Variants in DPYSL5 observed in about 807,000 individuals in gnomAD.
DPYSL5 encodes dihydropyrimidinase-related protein 5.
DPYSL5 carries 9 observed loss-of-function variants against 58.4 expected under a neutral mutation model. The observed-to-expected ratio is 0.15, with a 90% confidence interval of 0.09 to 0.27. The LOEUF (loss-of-function observed/expected upper bound fraction) is 0.27. Ranked by LOEUF, DPYSL5 falls within the 10% of genes least tolerant of loss-of-function variation. The pLI is 1.00. For synonymous variants in DPYSL5, 293 were observed against 301.9 expected (o/e 0.97, Z 0.31); for missense variants, 499 against 770.6 (o/e 0.65, Z 4.17).
At chr2:26,866,326 CCT>C (rs1386903086) in intron 1 of DPYSL5, among the ~76,000 whole-genome samples, 1 of 152,038 alleles carries the variant, frequency 6.6e-6, no homozygotes, top group Non-Finnish European at 1.5e-5. Flanking sequence ...ATAGTTTTCC[CCT>C]GATTTTATTA....
At chr2:26,858,677 C>T (rs1665938295) in intron 1 of DPYSL5, among the ~76,000 whole-genome samples, 1 of 151,354 alleles carries the variant, frequency 6.6e-6, no homozygotes, top group Non-Finnish European at 1.5e-5. Context: ...AATCCTCTCA[C>T]CTCACCCTCC....
rs146054166 is a variant in DPYSL5 at position 26,913,560 on chromosome 2, A to G, written c.262-11327A>G. On this transcript the variant is annotated intron_variant, in intron 2 of 12. Coordinates refer to ENST00000288699, the MANE Select transcript of DPYSL5 (RefSeq NM_020134.4). ...CCACCTTTTAGCTGCTGTGAATGCT[A>G]TGAACATGGGTGTACAAATACCTAT... 2.5e-3 allele frequency among the ~76,000 whole-genome samples: 384 copies of G among 152,354 alleles called. 1 individual carries two copies. Among genetic ancestry groups the G allele is most frequent in the African/African-American group, 9.0e-3 (373 of 41,580 alleles).
chr2:26,916,238 C>G (rs1664560411), intron 2 of DPYSL5, among the ~76,000 whole-genome samples: 1 of 152,190 alleles, frequency 6.6e-6, no homozygotes, highest in South Asian at 2.1e-4. Flanking sequence ...TCAGGTCCAT[C>G]ATCCCAACAC....
intron 2 of DPYSL5, among the ~76,000 whole-genome samples, chr2:26,922,689 C>T (rs924752538): frequency 1.3e-5 from 2 of 152,280 alleles, no homozygotes; most frequent in East Asian, 3.9e-4. Context: ...CAATATACAC[C>T]CCCACGTGCA....
intron 1 of DPYSL5, among the ~76,000 whole-genome samples, chr2:26,893,017 C>A (rs1241440985): frequency 6.6e-6 from 1 of 152,232 alleles, no homozygotes; most frequent in African/African-American, 2.4e-5. Context: ...CAACTCCCCA[C>A]GGCCTCTCTG....
Position 26,942,644 on chromosome 2 carries a change from T to C in DPYSL5, c.1334T>C (p.Val445Ala). Reference sequence around the variant, plus strand: ...CTGGTCACCATCAGCCGGGGGCGCGTCGTGTATGAGAACGGCGTCTTCATG... The same window carrying C: ...CTGGTCACCATCAGCCGGGGGCGCGCCGTGTATGAGAACGGCGTCTTCATG... ...VPLVTISRGR[V>A]VYENGVFMCA... Residue 445 changes from valine (V) to alanine (A), a missense_variant, in exon 11 of 13, where the codon GTC (valine) becomes GCC (alanine). Physicochemically the swap from Val to Ala is moderately conservative, Grantham distance 64 (BLOSUM62 0). Transcript: ENST00000288699. The surrounding 1 kb of genome is among the most constrained non-coding windows in gnomAD (Gnocchi z 5.9). The C allele has an allele frequency of 1.2e-6, 2 of 1,613,992 alleles. No individual in the cohort carries two copies. The highest frequency in any genetic ancestry group is 8.5e-7 in the Non-Finnish European group (1 of 1,180,012).
At chr2:26,919,553 G>A (rs1664653890) in intron 2 of DPYSL5, among the ~76,000 whole-genome samples, 1 of 152,192 alleles carries the variant, frequency 6.6e-6, no homozygotes, top group Non-Finnish European at 1.5e-5. Flanking sequence ...ATTTAATAGT[G>A]AGAGATGTCA....
chr2:26,924,147 A>G lies in DPYSL5; in HGVS notation c.262-740A>G, dbSNP rs1664769348. ...CCTGGGGGTTCACTCTATGATTGCG[A>G]GTGAGGCTTTTTAACAATTTCTTTT... On this transcript the variant is annotated intron_variant, in intron 2 of 12. Transcript: ENST00000288699. The surrounding 1 kb of genome is among the most constrained non-coding windows in gnomAD (Gnocchi z 4.7). Among the ~76,000 whole-genome samples the G allele has an allele frequency of 1.3e-5, 2 of 152,202 alleles. No homozygotes were observed. Among genetic ancestry groups the G allele is most frequent in the Admixed American group, 1.3e-4 (2 of 15,282 alleles).
At chr2:26,901,080 C>T (rs1664144524) in intron 2 of DPYSL5, among the ~76,000 whole-genome samples, 1 of 152,042 alleles carries the variant, frequency 6.6e-6, no homozygotes, top group Non-Finnish European at 1.5e-5. Flanking sequence ...GCAGCTGCCT[C>T]CAAAAAACAT....
At chr2:26,867,831 T>C (rs558879090) in intron 1 of DPYSL5, among the ~76,000 whole-genome samples, 1 of 152,344 alleles carries the variant, frequency 6.6e-6, no homozygotes, top group South Asian at 2.1e-4. Context: ...TTCTGTTGTT[T>C]TTATTTCTAT....
At chr2:26,913,677 T>A (rs925820308) in intron 2 of DPYSL5, among the ~76,000 whole-genome samples, 2 of 152,120 alleles carry the variant, frequency 1.3e-5, no homozygotes, top group African/African-American at 4.8e-5. Context: ...TGTCAGTAAA[T>A]GTTAATTTCT....
intron 1 of DPYSL5, among the ~76,000 whole-genome samples, chr2:26,857,454 C>T (rs1293893105): frequency 6.6e-6 from 1 of 151,920 alleles, no homozygotes; most frequent in Non-Finnish European, 1.5e-5. Flanking sequence ...GCAGGAGAAT[C>T]GCTTGAACCC....
At chr2:26,935,746 G>T (rs1346300391) in intron 8 of DPYSL5, among the ~76,000 whole-genome samples, 1 of 151,406 alleles carries the variant, frequency 6.6e-6, no homozygotes, top group Non-Finnish European at 1.5e-5. Context: ...TTCACTTTTG[G>T]GTATTAAAGT....
intron 1 of DPYSL5, among the ~76,000 whole-genome samples, chr2:26,863,465 C>T (rs1445917543): frequency 6.6e-6 from 1 of 152,212 alleles, no homozygotes; most frequent in Non-Finnish European, 1.5e-5. Context: ...GGAGCTCATA[C>T]CCCTGGGAGC....
At chr2:26,935,728 G>A (rs1421838109) in intron 8 of DPYSL5, among the ~76,000 whole-genome samples, 1 of 150,992 alleles carries the variant, frequency 6.6e-6, no homozygotes, top group Non-Finnish European at 1.5e-5. Flanking sequence ...AGAAGACGAT[G>A]CTTTCTCTTC....
At chr2:26,862,629 C>A (rs1006631178) in intron 1 of DPYSL5, among the ~76,000 whole-genome samples, 1 of 152,208 alleles carries the variant, frequency 6.6e-6, no homozygotes, top group Non-Finnish European at 1.5e-5. Context: ...CCTTCCCCCT[C>A]CCCATCCCTA....
At chr2:26,875,332 G>A (rs1050955097) in intron 1 of DPYSL5, among the ~76,000 whole-genome samples, 1 of 152,222 alleles carries the variant, frequency 6.6e-6, no homozygotes, top group African/African-American at 2.4e-5. Flanking sequence ...GGTGAAAACA[G>A]GCAGGAGAGC....
At position 26,948,087 on chromosome 2, in the gene DPYSL5, A is replaced by G. The variant is rs1665536105; in HGVS notation, c.*1092A>G. Reference sequence around the variant, plus strand: ...TTCACCTGCCACCACACACACACACACACACACACACACACACACACACGC... The same window carrying G: ...TTCACCTGCCACCACACACACACACGCACACACACACACACACACACACGC... On this transcript the variant is annotated 3_prime_UTR_variant, in exon 13 of 13. Coordinates refer to ENST00000288699, the MANE Select transcript of DPYSL5 (RefSeq NM_020134.4). The G allele has an allele frequency of 1.3e-5, 2 of 153,864 alleles. No homozygotes were observed. The highest frequency in any genetic ancestry group is 1.3e-4 in the Admixed American group (2 of 15,200). The allele number at this position is 153,864 out of a possible 1,614,324, so 9.5% of individuals were successfully genotyped here.
chr2:26,948,977 C>A lies in DPYSL5; in HGVS notation c.*1982C>A, dbSNP rs530281122. ...TCATGACAATGGAGCACTTATTATT[C>A]TTCCCATTTTACAGATGAGGAAACT... On this transcript the variant is annotated 3_prime_UTR_variant, in exon 13 of 13. Transcript: ENST00000288699. 6.6e-6 allele frequency: 1 copy of A among 152,334 alleles called. No homozygotes were observed. Among genetic ancestry groups the A allele is most frequent in the African/African-American group, 2.4e-5 (1 of 41,556 alleles). 9.4% of individuals were successfully genotyped at this position (152,334 alleles called of 1,614,324 possible).
Sources: gnomAD v4.1 joint callset for allele counts (sites outside exome capture counted in the v4.1 genomes callset) on GRCh38, gnomAD v4.1.1 for gene constraint, Gnocchi (gnomAD v3.1) non-coding constraint, MANE v1.5 for transcripts, NCBI Gene and HGNC (gene_info 2026-07-23, HGNC 2026-07-21) for gene names.